COL4A2: variants seen among roughly 807,000 people sequenced by gnomAD.
The protein encoded by COL4A2 is collagen alpha-2(IV) chain.
Under a neutral mutation model 200.2 loss-of-function variants are expected in COL4A2, and 99 were observed. The ratio of observed to expected loss-of-function variants is 0.49; its 90% CI spans 0.42 to 0.58. COL4A2 has a LOEUF of 0.58. Ranked by LOEUF, COL4A2 falls within the 20% of genes least tolerant of loss-of-function variation. COL4A2 has a pLI of 0.00. For missense variants in COL4A2, 1,950 were observed against 2,314.1 expected (o/e 0.84, Z 3.23); for synonymous variants, 897 against 900.6 (o/e 1.00, Z 0.07).
intron 3 of COL4A2, among the ~76,000 whole-genome samples, chr13:110,334,967 T>A (rs906898370): frequency 6.6e-6 from 1 of 152,084 alleles, no homozygotes; most frequent in African/African-American, 2.4e-5. Flanking sequence ...AGGAGGAAGA[T>A]AAAGAGCTGG....
At chr13:110,386,578 T>G (rs1191731534) in intron 4 of COL4A2, among the ~76,000 whole-genome samples, 1 of 152,240 alleles carries the variant, frequency 6.6e-6, no homozygotes, top group East Asian at 1.9e-4. Context: ...GTGCACCATA[T>G]GGAGTGGAGA....
At chr13:110,311,604 C>T (rs1172195276) in intron 3 of COL4A2, among the ~76,000 whole-genome samples, 3 of 152,180 alleles carry the variant, frequency 2.0e-5, no homozygotes, top group Non-Finnish European at 2.9e-5. Flanking sequence ...GAGGGTCTGG[C>T]ACAGCCTGGG....
At chr13:110,507,211 A>T (rs1235959404) in intron 46 of COL4A2, among the ~76,000 whole-genome samples, 1 of 152,218 alleles carries the variant, frequency 6.6e-6, no homozygotes, top group Non-Finnish European at 1.5e-5. Flanking sequence ...TGCAGGTTAC[A>T]TCAGGCGTTC....
At chr13:110,443,333 C>T (rs570008557) in intron 16 of COL4A2, among the ~76,000 whole-genome samples, 6 of 152,288 alleles carry the variant, frequency 3.9e-5, no homozygotes, top group African/African-American at 1.4e-4. Flanking sequence ...GTTCACACCA[C>T]GAGAGACAGC....
At chr13:110,328,369 G>A (rs984913491) in intron 3 of COL4A2, 3 of 152,150 alleles carry the variant, frequency 2.0e-5, no homozygotes, top group African/African-American at 7.2e-5. Flanking sequence ...AATAAAATTA[G>A]GAATATTTTC....
intron 3 of COL4A2, among the ~76,000 whole-genome samples, chr13:110,344,520 TGTTA>T (rs2139374676): frequency 6.6e-6 from 1 of 152,328 alleles, no homozygotes; most frequent in Non-Finnish European, 1.5e-5. Context: ...ATGGAAGTCA[TGTTA>T]GTTCATGCGT....
chr13:110,373,679 G>C (rs1878113990), intron 4 of COL4A2, among the ~76,000 whole-genome samples: 1 of 152,220 alleles, frequency 6.6e-6, no homozygotes, highest in African/African-American at 2.4e-5. Context: ...AAATACCCAA[G>C]CCGCAGGGTG....
chr13:110,448,574 A>G (rs1881412842), intron 18 of COL4A2, among the ~76,000 whole-genome samples: 1 of 152,254 alleles, frequency 6.6e-6, no homozygotes, highest in Non-Finnish European at 1.5e-5. Context: ...GTAACATTGC[A>G]TGAACTTGTC....
chr13:110,323,745 C>T (rs1885337645), intron 3 of COL4A2, among the ~76,000 whole-genome samples: 1 of 152,230 alleles, frequency 6.6e-6, no homozygotes, highest in African/African-American at 2.4e-5. Context: ...CACGCTGCCC[C>T]CAGCGCCCAG....
chr13:110,351,016 A>G (rs1478457383), intron 3 of COL4A2, among the ~76,000 whole-genome samples: 1 of 151,884 alleles, frequency 6.6e-6, no homozygotes, highest in Non-Finnish European at 1.5e-5. Flanking sequence ...CTTCTTTGCT[A>G]CCTGCTCTCT....
At chr13:110,350,756 T>TG (rs970802658) in intron 3 of COL4A2, among the ~76,000 whole-genome samples, 28 of 152,190 alleles carry the variant, frequency 1.8e-4, no homozygotes, top group Admixed American at 6.5e-5. Flanking sequence ...CCAAGAAAGG[T>TG]GGGGTGGGGC....
intron 3 of COL4A2, among the ~76,000 whole-genome samples, chr13:110,308,888 A>G (rs1257837700): frequency 1.3e-5 from 2 of 152,228 alleles, no homozygotes; most frequent in African/African-American, 2.4e-5. Context: ...GAGGTTTGGT[A>G]GGTGAATTCG....
chr13:110,477,878 T>C, intron 29 of COL4A2, 125 bp from the exon 30 acceptor site: 1 of 991,486 alleles, frequency 1.0e-6, no homozygotes. Flanking sequence ...TGTGTTTTCC[T>C]GATTCTCTAG....
rs1882972191 is a variant in COL4A2, at chr13:110,482,549, A to C, written c.2792A>C (p.Gln931Pro). ...GGCTCACCTGGGATGGATGGTTTCC[A>C]AGGCATGCCTGGACTCAAAGGGAGA... ...DRGSPGMDGF[Q>P]GMPGLKGRPG... Residue 931 changes from glutamine to proline, a missense_variant, in exon 32 of 48, where the codon CAA becomes CCA. By Grantham distance (76) the Gln-to-Pro change is moderately conservative (BLOSUM62 -1). Around this residue, in one of 2 missense-constraint regions of COL4A2, gnomAD observed 1,385 missense variants for 1,720.5 expected, o/e 0.80. Transcript: ENST00000360467. 1 of 1,614,010 alleles carries C rather than the reference A, an allele frequency of 6.2e-7. No homozygotes were observed. The highest frequency in any genetic ancestry group is 2.2e-5 in the East Asian group (1 of 44,886).
chr13:110,461,709 A>G (rs76376915), intron 22 of COL4A2, among the ~76,000 whole-genome samples: 65 of 152,162 alleles, frequency 4.3e-4, no homozygotes, highest in African/African-American at 1.6e-3. Flanking sequence ...AAGTTTTTGC[A>G]TTTTTAGTAG....
intron 15 of COL4A2, 99 bp downstream of exon 15, chr13:110,438,767 G>A (rs1290049412): frequency 2.0e-6 from 3 of 1,481,450 alleles, no homozygotes; most frequent in Non-Finnish European, 2.8e-6. Flanking sequence ...GCAAAATTTA[G>A]CAGAAAGTAT....
intron 4 of COL4A2, among the ~76,000 whole-genome samples, chr13:110,409,926 A>C (rs1284673472): frequency 6.6e-6 from 1 of 152,126 alleles, no homozygotes; most frequent in Admixed American, 6.5e-5. Context: ...CGGCGTGGTG[A>C]AACCCGGCCC....
At chr13:110,334,827 G>C (rs1163502609) in intron 3 of COL4A2, among the ~76,000 whole-genome samples, 1 of 152,206 alleles carries the variant, frequency 6.6e-6, no homozygotes, top group Admixed American at 6.5e-5. Context: ...AGTATAATCC[G>C]AGTTATGTAG....
intron 4 of COL4A2, among the ~76,000 whole-genome samples, chr13:110,385,515 G>A (rs113131830): frequency 0.097 from 3,143 of 32,376 alleles, 85 homozygotes; most frequent in Middle Eastern, 0.14. Flanking sequence ...GTGTGGATAG[G>A]CCGTGGTTAC....
Sources: allele counts gnomAD v4.1 joint callset (sites outside exome capture counted in the v4.1 genomes callset), GRCh38; gene constraint gnomAD v4.1.1; regional missense constraint gnomAD v4.1.1; transcripts MANE v1.5; gene names NCBI Gene and HGNC (gene_info 2026-07-23, HGNC 2026-07-21).